SMOX: variants seen among roughly 807,000 people sequenced by gnomAD.
SMOX encodes the protein flavin containing amine oxidase.
In SMOX, 22 loss-of-function variants were observed where a neutral mutation model predicts 51.0. That is an observed-to-expected ratio of 0.43 (90% CI 0.31 to 0.62). The LOEUF (loss-of-function observed/expected upper bound fraction) is 0.62. SMOX is among the 20% of genes least tolerant of loss of function. The probability of loss-of-function intolerance (pLI) is 0.10; values close to 1 mark genes in which losing one functional copy is unlikely to be tolerated. For missense variants in SMOX, 566 were observed against 777.7 expected (o/e 0.73, Z 3.24); for synonymous variants, 282 against 307.8 (o/e 0.92, Z 0.88).
intron 1 of SMOX, among the ~76,000 whole-genome samples, chr20:4,161,542 A>G (rs78057386): frequency 0.031 from 4,667 of 152,316 alleles, 121 homozygotes; most frequent in African/African-American, 0.057. Flanking sequence ...CAGCGGTGTC[A>G]TGCCTGGTCA....
rs771422876 is a variant in SMOX at position 4,183,637 on chromosome 20, G to C, written c.1513G>C (p.Glu505Gln). ...GCTGGCCAAGCCCCTGCCGTACACA[G>C]AGAGCTCAAAGACAGCGGTAAGCGG... Reference protein sequence around the residue: ...EKLAKPLPYTESSKTAPMQVL... With the variant: ...EKLAKPLPYTQSSKTAPMQVL... Residue 505 changes from glutamate to glutamine, a missense_variant, in exon 6 of 7, where the codon GAG (glutamate) becomes CAG (glutamine). Transcript: ENST00000305958. The surrounding 1 kb of genome is among the most constrained non-coding windows in gnomAD (Gnocchi z 4.3). 2.5e-6 allele frequency: 4 copies of C among 1,583,688 alleles called. No homozygotes were observed. The highest frequency in any genetic ancestry group is 3.4e-6 in the Non-Finnish European group (4 of 1,165,536).
rs1395734703 is a variant in SMOX, at chr20:4,167,264, G to A, written c.-26-7766G>A. ...CTGATAGTAGGGTTGGGGCCAAGGTGAAGGCTGGGTTCTGAGCTCAGATGA... is the reference window on the plus strand; with the variant it reads ...CTGATAGTAGGGTTGGGGCCAAGGTAAAGGCTGGGTTCTGAGCTCAGATGA... On this transcript the variant is annotated intron_variant, in intron 1 of 6. Coordinates refer to ENST00000305958, the MANE Select transcript of SMOX (RefSeq NM_175839.3). The surrounding 1 kb of genome is among the most constrained non-coding windows in gnomAD (Gnocchi z 4.8). Among the ~76,000 whole-genome samples the A allele has an allele frequency of 6.6e-6, 1 of 152,156 alleles. No homozygotes were observed. The highest frequency in any genetic ancestry group is 1.5e-5 in the Non-Finnish European group (1 of 68,026).
At chr20:4,161,266 G>T (rs1447604385) in intron 1 of SMOX, among the ~76,000 whole-genome samples, 3 of 152,324 alleles carry the variant, frequency 2.0e-5, no homozygotes, top group African/African-American at 7.2e-5. Context: ...TCAGGGCCGT[G>T]CCTGCAGGTG....
rs1031629116 is a variant in SMOX at position 4,183,057 on chromosome 20, C to T, written c.1369+209C>T. ...CTTGACACACTCAGAATTATGGGCGCTGTGTCTCTTCCCCCTTTCTAAAGG... is the reference window on the plus strand; with the variant it reads ...CTTGACACACTCAGAATTATGGGCGTTGTGTCTCTTCCCCCTTTCTAAAGG... On this transcript the variant is annotated intron_variant, in intron 5 of 6. Transcript: ENST00000305958. This position sits in a 1 kb window ranked among gnomAD's most constrained non-coding sequence, Gnocchi z 4.3. Among the ~76,000 whole-genome samples the T allele has an allele frequency of 1.3e-5, 2 of 152,224 alleles. No individual in the cohort carries two copies. Among genetic ancestry groups the T allele is most frequent in the African/African-American group, 4.8e-5 (2 of 41,446 alleles).
intron 3 of SMOX, among the ~76,000 whole-genome samples, chr20:4,178,239 A>G (rs775220932): frequency 6.6e-6 from 1 of 152,068 alleles, no homozygotes; most frequent in Non-Finnish European, 1.5e-5. Context: ...GGGTTTCACC[A>G]TGTTGTTCAG....
At chr20:4,150,105 C>G (rs1479093507) in intron 1 of SMOX, among the ~76,000 whole-genome samples, 1 of 152,196 alleles carries the variant, frequency 6.6e-6, no homozygotes, top group Admixed American at 6.5e-5. Flanking sequence ...GCTTCTATTC[C>G]CCTGGATCGT....
In SMOX at chr20:4,167,351, C is replaced by CCT. The variant is rs1157736722; in HGVS notation, c.-26-7679_-26-7678insCT. Among the ~76,000 whole-genome samples, 1 of 152,128 alleles carries CCT rather than the reference C, an allele frequency of 6.6e-6. No homozygotes were observed. The highest frequency in any genetic ancestry group is 1.5e-5 in the Non-Finnish European group (1 of 68,016). ...GGCCCTAGGAAAGGTGACTTCTGTA[C>CCT]TGGTCTCTTTGGGGATCTTCCTCCC... On this transcript the variant is annotated intron_variant, in intron 1 of 6. Coordinates refer to ENST00000305958, the MANE Select transcript of SMOX (RefSeq NM_175839.3). This position sits in a 1 kb window ranked among gnomAD's most constrained non-coding sequence, Gnocchi z 4.8.
intron 1 of SMOX, among the ~76,000 whole-genome samples, chr20:4,156,720 G>T (rs1269544769): frequency 1.3e-5 from 2 of 152,196 alleles, no homozygotes; most frequent in African/African-American, 4.8e-5. Context: ...GGATCCCCAG[G>T]TAGCTGGGCC....
chr20:4,155,658 C>T (rs1159093773), intron 1 of SMOX, among the ~76,000 whole-genome samples: 1 of 151,960 alleles, frequency 6.6e-6, no homozygotes, highest in Non-Finnish European at 1.5e-5. Flanking sequence ...ATGATGGGGT[C>T]GAATTAGCAA....
Position 4,158,049 on chromosome 20 carries a change from C to T in SMOX, c.-27+9072C>T, listed in dbSNP as rs567207819. ...CCGAGTAGCTGGGACTACAGGCGCC[C>T]GCCACCACGCCCGGCTAATTTTTTG... On this transcript the variant is annotated intron_variant, in intron 1 of 6. Coordinates refer to ENST00000305958, the MANE Select transcript of SMOX (RefSeq NM_175839.3). 3.9e-3 allele frequency among the ~76,000 whole-genome samples: 592 copies of T among 150,388 alleles called. 6 individuals carry two copies. The highest frequency in any genetic ancestry group is 0.014 in the African/African-American group (553 of 40,928).
chr20:4,175,184 T>C lies in SMOX; in HGVS notation c.129T>C (p.Leu43=). 1 of 1,614,164 alleles carries C rather than the reference T, an allele frequency of 6.2e-7. No individual in the cohort carries two copies. The highest frequency in any genetic ancestry group is 8.5e-7 in the Non-Finnish European group (1 of 1,180,036). ...CTGGCCTGGCTGCAGCCAAAGCACT[T>C]CTTGAGCAGGGTTTCACGGATGTCA... is the stretch of plus-strand genomic sequence containing the variant. ...GLAGLAAAKA[L]LEQGFTDVTV... is the part of the protein sequence containing the mutation. Residue 43 remains leucine, a synonymous_variant, in exon 2 of 7, where the codon CTT becomes CTC. Transcript: ENST00000305958.
At position 4,187,311 on chromosome 20, in the gene SMOX, G is replaced by A. The variant is rs1252539360; in HGVS notation, c.1572G>A (p.Lys524=). 6.2e-7 allele frequency: 1 copy of A among 1,614,224 alleles called. No homozygotes were observed. Among genetic ancestry groups the A allele is most frequent in the South Asian group, 1.1e-5 (1 of 91,084 alleles). ...TTTCCGGTGAGGCCACCCACCGCAAGTACTATTCCACCACCCACGGTGCTC... is the reference window on the plus strand; with the variant it reads ...TTTCCGGTGAGGCCACCCACCGCAAATACTATTCCACCACCCACGGTGCTC... ...VLFSGEATHR[K]YYSTTHGALL... The change falls in exon 7 of 7, where the codon AAG becomes AAA. Residue 524 remains lysine (K), a synonymous_variant. Coordinates refer to ENST00000305958, the MANE Select transcript of SMOX (RefSeq NM_175839.3). This position sits in a 1 kb window ranked among gnomAD's most constrained non-coding sequence, Gnocchi z 4.8.
At chr20:4,173,558 T>G (rs1250268141) in intron 1 of SMOX, among the ~76,000 whole-genome samples, 1 of 152,202 alleles carries the variant, frequency 6.6e-6, no homozygotes, top group Non-Finnish European at 1.5e-5. Context: ...GTGTCTTTGG[T>G]GGAATGTGCC....
Position 4,154,353 on chromosome 20 carries a change from C to T in SMOX, c.-27+5376C>T, listed in dbSNP as rs200294885. ...CTGATTCACCAGGTCTGGGGTGAGGCCTGTGACTCCGCATTTCTTTCTTTC... is the reference window on the plus strand; with the variant it reads ...CTGATTCACCAGGTCTGGGGTGAGGTCTGTGACTCCGCATTTCTTTCTTTC... On this transcript the variant is annotated intron_variant, in intron 1 of 6. Transcript: ENST00000305958. 3.3e-5 allele frequency among the ~76,000 whole-genome samples: 5 copies of T among 151,988 alleles called. No individual in the cohort carries two copies. In the East Asian group the frequency reaches 9.7e-4, roughly 30 times the overall value.
chr20:4,177,479 A>C lies in SMOX; in HGVS notation c.337A>C (p.Ser113Arg). The C allele has an allele frequency of 6.3e-7, 1 of 1,584,178 alleles. No homozygotes were observed. The highest frequency in any genetic ancestry group is 8.6e-7 in the Non-Finnish European group (1 of 1,163,676). The change falls in exon 3 of 7, where the codon AGC becomes CGC. Residue 113 changes from serine to arginine, a missense_variant. By Grantham distance (110) the Ser-to-Arg change is moderately radical. This residue lies in a region of SMOX where 217 missense variants were observed against 278.4 expected (regional missense o/e 0.78). Coordinates refer to ENST00000305958, the MANE Select transcript of SMOX (RefSeq NM_175839.3). This position sits in a 1 kb window ranked among gnomAD's most constrained non-coding sequence, Gnocchi z 4.3. ...TDGERSVGRI[S>R]LYSKNGVACY... ...TGGGGAACGCAGCGTGGGCCGCATC[A>C]GCCTCTATTCCAAGAATGGCGTGGC... is the stretch of plus-strand genomic sequence containing the variant.
intron 6 of SMOX, among the ~76,000 whole-genome samples, chr20:4,186,457 C>T (rs1979741778): frequency 6.6e-6 from 1 of 152,222 alleles, no homozygotes; most frequent in African/African-American, 2.4e-5. Flanking sequence ...AGCCTGCTTT[C>T]TCAAGGCCGA....
In SMOX at chr20:4,153,850, CA is replaced by C. The variant is rs1257603853; in HGVS notation, c.-27+4874del. Among the ~76,000 whole-genome samples the C allele has an allele frequency of 6.6e-6, 1 of 152,096 alleles. No homozygotes were observed. The highest frequency in any genetic ancestry group is 2.4e-5 in the African/African-American group (1 of 41,404). On this transcript the variant is annotated intron_variant, in intron 1 of 6. Transcript: ENST00000305958. The surrounding 1 kb of genome is among the most constrained non-coding windows in gnomAD (Gnocchi z 4.4). ...AGGCTGTGGCCAAGCCTGAGGCGGG[CA>C]GGCTAGAGCTGAGGTGGACTTCCTG...
chr20:4,177,687 G>T lies in SMOX; in HGVS notation c.435+110G>T. The T allele has an allele frequency of 2.1e-6, 2 of 947,684 alleles. No homozygotes were observed. Among genetic ancestry groups the T allele is most frequent in the South Asian group, 3.2e-5 (2 of 61,874 alleles). 58.7% of individuals were successfully genotyped at this position (947,684 alleles called of 1,614,324 possible). A position where few individuals can be genotyped will look rare whatever the true frequency, so the allele number is the denominator to read the frequency against. Reference sequence around the variant, plus strand: ...CTGGGCCTTGCATTTGGAAAACCAGGATAATGTGAGGGTAAAATGAAAATA... The same window carrying T: ...CTGGGCCTTGCATTTGGAAAACCAGTATAATGTGAGGGTAAAATGAAAATA... On this transcript the variant is annotated intron_variant, in intron 3 of 6. Transcript: ENST00000305958. The surrounding 1 kb of genome is among the most constrained non-coding windows in gnomAD (Gnocchi z 4.3).
intron 1 of SMOX, among the ~76,000 whole-genome samples, chr20:4,159,273 G>A (rs1017153938): frequency 1.3e-5 from 2 of 152,006 alleles, no homozygotes; most frequent in Admixed American, 6.6e-5. Flanking sequence ...CACCACGCCC[G>A]GCTAATTTTG....
Sources: allele counts gnomAD v4.1 joint callset (sites outside exome capture counted in the v4.1 genomes callset), GRCh38; gene constraint gnomAD v4.1.1; regional missense constraint gnomAD v4.1.1; non-coding constraint Gnocchi (gnomAD v3.1); transcripts MANE v1.5; gene names NCBI Gene and HGNC (gene_info 2026-07-23, HGNC 2026-07-21).